Variants in UMAD1 observed in about 807,000 individuals in gnomAD.
UMAD1 encodes the protein UBAP1-MVB12-associated (UMA) domain containing 1, also known as UBAP1-MVB12-associated (UMA)-domain containing protein 1.
In UMAD1, 8 loss-of-function variants were observed where a neutral mutation model predicts 6.1. The ratio of observed to expected loss-of-function variants is 1.30; its 90% CI spans 0.76 to 2.35. The LOEUF is 2.35. Among genes scored for constraint, UMAD1 ranks in the 30% most tolerant of loss-of-function variants. The pLI is 0.00. For missense variants in UMAD1, 130 were observed against 78.4 expected (o/e 1.66, Z -2.49); for synonymous variants, 56 against 31.4 (o/e 1.78, Z -2.61).
chr7:7,781,913 T>A (rs934756431), intron 2 of UMAD1, among the ~76,000 whole-genome samples: 25 of 152,244 alleles, frequency 1.6e-4, no homozygotes, highest in African/African-American at 6.0e-4. Context: ...TCTGTTCTTT[T>A]AATGCATTGA....
intron 3 of UMAD1, among the ~76,000 whole-genome samples, chr7:7,814,624 C>A (rs1783089716): frequency 6.7e-6 from 1 of 150,110 alleles, no homozygotes; most frequent in East Asian, 1.9e-4. Flanking sequence ...AATACTTCTA[C>A]AAAATATATT....
At chr7:7,742,356 C>G in intron 2 of UMAD1, 3 of 600,444 alleles carry the variant, frequency 5.0e-6, no homozygotes, top group South Asian at 4.1e-5. Context: ...CTCCTGGGGG[C>G]GCTCTTCCGA....
chr7:7,866,976 G>C (rs993364838), intron 3 of UMAD1, among the ~76,000 whole-genome samples: 1 of 152,152 alleles, frequency 6.6e-6, no homozygotes, highest in African/African-American at 2.4e-5. Flanking sequence ...GATATTAAAA[G>C]CAGAAAAGTC....
At chr7:7,665,458 A>G (rs1779419381) in intron 1 of UMAD1, among the ~76,000 whole-genome samples, 1 of 152,200 alleles carries the variant, frequency 6.6e-6, no homozygotes, top group East Asian at 1.9e-4. Context: ...ATTTGAGACA[A>G]TTTTCCCAAT....
chr7:7,747,874 C>T (rs367831272), intron 2 of UMAD1, among the ~76,000 whole-genome samples: 135 of 152,228 alleles, frequency 8.9e-4, no homozygotes, highest in African/African-American at 3.1e-3. Context: ...AAATCTAAAT[C>T]ATTGAATTAT....
intron 3 of UMAD1, among the ~76,000 whole-genome samples, chr7:7,835,143 C>G (rs1433516468): frequency 6.6e-6 from 1 of 152,122 alleles, no homozygotes; most frequent in African/African-American, 2.4e-5. Flanking sequence ...GTTTTATTCA[C>G]TTAATCTGTC....
intron 2 of UMAD1, among the ~76,000 whole-genome samples, chr7:7,675,614 A>C (rs1583721356): frequency 6.6e-6 from 1 of 152,292 alleles, no homozygotes; most frequent in Admixed American, 6.5e-5. Context: ...TTTAAGAAGG[A>C]ATTTCCGGGA....
In UMAD1 at chr7:7,687,848, C is replaced by T. The variant is rs992287869; in HGVS notation, c.82+14395C>T. On this transcript the variant is annotated intron_variant, in intron 2 of 3. Coordinates refer to ENST00000682710, the MANE Select transcript of UMAD1 (RefSeq NM_001302348.2). ...AATTGCTCTGAAAATTTTAAGTATTCTAAGTCAAATAACTAAGCTGTAAAT... is the reference window on the plus strand; with the variant it reads ...AATTGCTCTGAAAATTTTAAGTATTTTAAGTCAAATAACTAAGCTGTAAAT... Among the ~76,000 whole-genome samples the T allele has an allele frequency of 2.0e-5, 3 of 152,132 alleles. No homozygotes were observed. The South Asian group carries it at 6.2e-4, about 32-fold the overall frequency.
At chr7:7,861,786 T>G (rs7789843) in intron 3 of UMAD1, among the ~76,000 whole-genome samples, 3,338 of 152,276 alleles carry the variant, frequency 0.022, 129 homozygotes, top group African/African-American at 0.076. Context: ...ATTATTTACT[T>G]TTTGAGATTA....
chr7:7,741,578 A>AAATAATAATAATAATAAT (rs201307561), intron 2 of UMAD1, among the ~76,000 whole-genome samples: 2 of 139,402 alleles, frequency 1.4e-5, no homozygotes, highest in Admixed American at 7.1e-5. Flanking sequence ...CAACGTCTCA[A>AAATAATAATAATAATAAT]AATAATAATA....
chr7:7,688,011 G>A (rs1169081067), intron 2 of UMAD1, among the ~76,000 whole-genome samples: 2 of 152,192 alleles, frequency 1.3e-5, no homozygotes, highest in East Asian at 3.9e-4. Context: ...GTTGATAACT[G>A]AGATAAGCAG....
chr7:7,644,224 G>A (rs1187966215), intron 1 of UMAD1, among the ~76,000 whole-genome samples: 3 of 151,904 alleles, frequency 2.0e-5, no homozygotes, highest in Non-Finnish European at 4.4e-5. Flanking sequence ...GGTTATTTAT[G>A]TTTATCTTTT....
chr7:7,809,433 A>G (rs1024307397), intron 3 of UMAD1, among the ~76,000 whole-genome samples: 1 of 151,886 alleles, frequency 6.6e-6, no homozygotes, highest in Non-Finnish European at 1.5e-5. Flanking sequence ...TGGACAAGTA[A>G]TAATTGCATG....
intron 1 of UMAD1, among the ~76,000 whole-genome samples, chr7:7,671,695 C>T (rs1450750720): frequency 4.0e-5 from 6 of 151,852 alleles, no homozygotes; most frequent in Non-Finnish European, 7.4e-5. Context: ...TCATTTGATT[C>T]CTTGTCTTTT....
chr7:7,648,126 T>G (rs897848288), intron 1 of UMAD1, among the ~76,000 whole-genome samples: 1 of 152,216 alleles, frequency 6.6e-6, no homozygotes, highest in African/African-American at 2.4e-5. Context: ...TACCAGCCAG[T>G]GGGCTCCAGT....
chr7:7,767,013 T>G (rs1781997755), intron 2 of UMAD1, among the ~76,000 whole-genome samples: 1 of 152,134 alleles, frequency 6.6e-6, no homozygotes, highest in Admixed American at 6.5e-5. Context: ...AGCAACAGTT[T>G]CAAGTTCTGT....
rs570329187 is a variant in UMAD1 at position 7,868,453 on chromosome 7, C to G, written c.157-8828C>G. The G allele has an allele frequency of 2.0e-5, 3 of 152,064 alleles. No individual in the cohort carries two copies. The South Asian group carries it at 6.2e-4, about 32-fold the overall frequency. The allele number at this position is 152,064 out of a possible 1,614,324, so 9.4% of individuals were successfully genotyped here. ...CTTCTGCACTTGTATGTACGTTCAG[C>G]TGGAGTTCTGAAAAGAGGAAGTCGG... On this transcript the variant is annotated intron_variant, in intron 3 of 3. Coordinates refer to ENST00000682710, the MANE Select transcript of UMAD1 (RefSeq NM_001302348.2).
intron 3 of UMAD1, among the ~76,000 whole-genome samples, chr7:7,806,520 A>G (rs1460585142): frequency 6.6e-6 from 1 of 152,194 alleles, no homozygotes; most frequent in Non-Finnish European, 1.5e-5. Context: ...ATGCCCTGTC[A>G]ATGATTTCTG....
intron 2 of UMAD1, among the ~76,000 whole-genome samples, chr7:7,762,516 T>C (rs967756784): frequency 6.6e-6 from 1 of 152,202 alleles, no homozygotes; most frequent in African/African-American, 2.4e-5. Flanking sequence ...TCTGATAACT[T>C]AACATTGATT....
Sources: gnomAD v4.1 joint callset for allele counts (sites outside exome capture counted in the v4.1 genomes callset) on GRCh38, gnomAD v4.1.1 for gene constraint, MANE v1.5 for transcripts, NCBI Gene and HGNC (gene_info 2026-07-23, HGNC 2026-07-21) for gene names.